The following MACROD2 variants were observed in gnomAD, a reference collection of about 807,000 sequenced individuals.
MACROD2 encodes the protein ADP-ribose glycohydrolase MACROD2.
MACROD2 carries 36 observed loss-of-function variants against 70.4 expected under a neutral mutation model. That is an observed-to-expected ratio of 0.51 (90% confidence interval 0.39 to 0.68). MACROD2 has a LOEUF of 0.68. Among genes scored for constraint, MACROD2 ranks in the 30% least tolerant of loss-of-function variants. The pLI, the probability that MACROD2 is intolerant of heterozygous loss-of-function variation, is 0.00. For missense variants in MACROD2, 496 were observed against 538.4 expected (o/e 0.92, Z 0.78); for synonymous variants, 172 against 178.8 (o/e 0.96, Z 0.30).
chr20:14,274,568 TC>T (rs2082231826), intron 3 of MACROD2, among the ~76,000 whole-genome samples: 1 of 152,096 alleles, frequency 6.6e-6, no homozygotes. Context: ...CTGGAAGCAT[TC>T]CCTTTGAAAA....
intron 5 of MACROD2, among the ~76,000 whole-genome samples, chr20:14,995,646 C>T (rs1440299761): frequency 1.3e-5 from 2 of 152,030 alleles, no homozygotes; most frequent in Non-Finnish European, 2.9e-5. Flanking sequence ...CATACGCTGT[C>T]AGTGGAATTA....
chr20:15,135,985 C>T (rs6043110), intron 5 of MACROD2, among the ~76,000 whole-genome samples: 128,411 of 145,580 alleles, frequency 0.88, 56,902 homozygotes, highest in East Asian at 1. Flanking sequence ...AATAACATAC[C>T]TAGGAATCCA....
chr20:15,464,826 T>C (rs554823705), intron 7 of MACROD2, among the ~76,000 whole-genome samples: 2 of 152,322 alleles, frequency 1.3e-5, no homozygotes, highest in African/African-American at 2.4e-5. Context: ...GTCTATTTTT[T>C]GCTTGGGCTT....
chr20:14,542,027 A>T (rs2085439636), intron 4 of MACROD2, among the ~76,000 whole-genome samples: 1 of 152,230 alleles, frequency 6.6e-6, no homozygotes, highest in African/African-American at 2.4e-5. Flanking sequence ...CATTGTTAAC[A>T]TTTGAGAAAT....
At chr20:14,751,798 C>A (rs2071874429) in intron 5 of MACROD2, among the ~76,000 whole-genome samples, 2 of 151,804 alleles carry the variant, frequency 1.3e-5, no homozygotes, top group African/African-American at 2.4e-5. Flanking sequence ...AGAAACTATA[C>A]TCCACTGATT....
rs776889043 is a variant in MACROD2, at chr20:15,933,305, G to A, written c.805G>A (p.Val269Met). The change falls in exon 11 of 18, where the codon GTG becomes ATG. Residue 269 changes from valine to methionine, a missense_variant. Val to Met is a conservative substitution (Grantham distance 21). Coordinates refer to ENST00000684519, the MANE Select transcript of MACROD2 (RefSeq NM_001351661.2). Reference sequence around the variant, plus strand: ...GAACGGTCCAGAGGAGAAGCAAAGTGTGGAAGAAATGGAAGAGCAGAGCCA... The same window carrying A: ...GAACGGTCCAGAGGAGAAGCAAAGTATGGAAGAAATGGAAGAGCAGAGCCA... ...DENGPEEKQS[V>M]EEMEEQSQDA... 51 of 1,613,302 alleles carry A rather than the reference G, an allele frequency of 3.2e-5. No individual in the cohort carries two copies. In the East Asian group the frequency reaches 5.8e-4, roughly 18 times the overall value.
intron 6 of MACROD2, among the ~76,000 whole-genome samples, chr20:15,234,198 AT>A (rs1321755427): frequency 7.3e-6 from 1 of 136,922 alleles, no homozygotes. Context: ...CGCCCGGCTA[AT>A]TTTTTTGTAT....
At chr20:15,770,608 A>T (rs1004928070) in intron 8 of MACROD2, among the ~76,000 whole-genome samples, 6 of 152,206 alleles carry the variant, frequency 3.9e-5, no homozygotes, top group African/African-American at 1.4e-4. Flanking sequence ...GGTATCAGTC[A>T]TCTATTGGCA....
intron 2 of MACROD2, among the ~76,000 whole-genome samples, chr20:14,059,972 G>A (rs760441672): frequency 1.3e-5 from 2 of 152,104 alleles, no homozygotes; most frequent in Admixed American, 6.6e-5. Context: ...TTAGGGTAGC[G>A]TTTTAGTTGG....
At chr20:15,691,060 G>A (rs68134167) in intron 8 of MACROD2, among the ~76,000 whole-genome samples, 38,770 of 152,032 alleles carry the variant, frequency 0.26, 6,341 homozygotes, top group African/African-American at 0.47. Flanking sequence ...AGTAGTGAGT[G>A]GGATTGACAG....
chr20:15,885,720 A>G (rs13045800), intron 9 of MACROD2, 44 bp from the exon 10 acceptor site: 79,845 of 1,417,982 alleles, frequency 0.056, 3,020 homozygotes, highest in East Asian at 0.16. Flanking sequence ...TGTGTTTCCC[A>G]CTTTCATATA....
chr20:14,973,225 C>CTTTTT (rs1223038135), intron 5 of MACROD2, among the ~76,000 whole-genome samples: 23 of 85,730 alleles, frequency 2.7e-4, no homozygotes, highest in Admixed American at 4.1e-4. Flanking sequence ...TGAGTAGTTG[C>CTTTTT]TTTTTTTTTT....
intron 5 of MACROD2, among the ~76,000 whole-genome samples, chr20:14,989,425 A>C (rs1008489308): frequency 6.6e-6 from 1 of 152,164 alleles, no homozygotes; most frequent in African/African-American, 2.4e-5. Context: ...AAAATAGTGG[A>C]AGTACACAGA....
At chr20:14,303,356 A>G (rs962421213) in intron 3 of MACROD2, among the ~76,000 whole-genome samples, 4 of 152,062 alleles carry the variant, frequency 2.6e-5, no homozygotes, top group Non-Finnish European at 5.9e-5. Context: ...CGCCCCAGAG[A>G]GCTTGTTTTC....
chr20:14,539,881 G>T (rs2085410116), intron 4 of MACROD2, among the ~76,000 whole-genome samples: 1 of 152,158 alleles, frequency 6.6e-6, no homozygotes, highest in Non-Finnish European at 1.5e-5. Flanking sequence ...GGTAGATTGG[G>T]AGGAAAGCAT....
At chr20:14,610,083 C>T (rs1983064674) in intron 4 of MACROD2, among the ~76,000 whole-genome samples, 1 of 152,074 alleles carries the variant, frequency 6.6e-6, no homozygotes, top group South Asian at 2.1e-4. Flanking sequence ...ATGTTCTGGT[C>T]CCTGCTTTAA....
At chr20:15,484,675 A>G (rs1411012023) in intron 7 of MACROD2, among the ~76,000 whole-genome samples, 1 of 152,184 alleles carries the variant, frequency 6.6e-6, no homozygotes, top group Non-Finnish European at 1.5e-5. Flanking sequence ...TTCTGGAAGC[A>G]TGAGGGGATT....
intron 9 of MACROD2, among the ~76,000 whole-genome samples, chr20:15,870,947 G>A (rs139124825): frequency 1.5e-4 from 23 of 152,218 alleles, no homozygotes; most frequent in African/African-American, 5.3e-4. Flanking sequence ...GGGATGCTGA[G>A]GTGGGTGGAT....
intron 3 of MACROD2, among the ~76,000 whole-genome samples, chr20:14,428,930 TC>T (rs2122921848): frequency 6.6e-6 from 1 of 152,286 alleles, no homozygotes; most frequent in African/African-American, 2.4e-5. Flanking sequence ...GGTAATTTGG[TC>T]CTCCAGTAAC....
Sources: gnomAD v4.1 joint callset for allele counts (sites outside exome capture counted in the v4.1 genomes callset) on GRCh38, gnomAD v4.1.1 for gene constraint, MANE v1.5 for transcripts, NCBI Gene and HGNC (gene_info 2026-07-23, HGNC 2026-07-21) for gene names.